OCRL: variants seen among roughly 807,000 people sequenced by gnomAD.
OCRL encodes the protein OCRL inositol polyphosphate-5-phosphatase.
OCRL carries 8 observed loss-of-function variants against 78.9 expected under a neutral mutation model. The ratio of observed to expected loss-of-function variants is 0.10; its 90% CI spans 0.06 to 0.18. The LOEUF (loss-of-function observed/expected upper bound fraction) is 0.18. OCRL is among the 10% of genes least tolerant of loss of function. OCRL has a pLI of 1.00. For missense variants in OCRL, 454 were observed against 696.7 expected (o/e 0.65, Z 3.92); for synonymous variants, 240 against 235.4 (o/e 1.02, Z -0.18).
chrX:129,547,388 G>A (rs1416696188), intron 3 of OCRL, among the ~76,000 whole-genome samples: 1 of 109,260 alleles, frequency 9.2e-6, no homozygotes, highest in East Asian at 2.9e-4. Flanking sequence ...AGCCGGGCAT[G>A]GTGGCGGGTG....
chrX:129,562,968 G>C (rs1483353614), intron 12 of OCRL, among the ~76,000 whole-genome samples, 182 bp downstream of exon 12: 1 of 111,831 alleles, frequency 8.9e-6, no homozygotes. Context: ...AATTAGACTT[G>C]ATATCAGAGG....
chrX:129,590,300 G>A lies in OCRL; in HGVS notation c.*30G>A. 8.3e-7 allele frequency: 1 copy of A among 1,207,535 alleles called. No homozygotes were observed. Among genetic ancestry groups the A allele is most frequent in the Non-Finnish European group, 1.1e-6 (1 of 892,437 alleles). ...TTTACTGTTCTCTGATATTCTAGAAGCAGACGATCTCGGGCTCCAAGTATT... is the reference window on the plus strand; with the variant it reads ...TTTACTGTTCTCTGATATTCTAGAAACAGACGATCTCGGGCTCCAAGTATT... On this transcript the variant is annotated 3_prime_UTR_variant, in exon 24 of 24. Transcript: ENST00000371113.
intron 13 of OCRL, among the ~76,000 whole-genome samples, chrX:129,566,202 G>A (rs371721142): frequency 2.4e-4 from 27 of 112,124 alleles, no homozygotes; most frequent in African/African-American, 8.1e-4. Flanking sequence ...CTTCCTGGAG[G>A]AAGTGGGCCT....
intron 2 of OCRL, among the ~76,000 whole-genome samples, chrX:129,542,194 C>T (rs2124385245): frequency 9.3e-6 from 1 of 107,826 alleles, no homozygotes; most frequent in Admixed American, 1.0e-4. Flanking sequence ...AGAATCTAGT[C>T]CCTCGGATTA....
In OCRL at chrX:129,574,166, G is replaced by A. The variant is rs941106206; in HGVS notation, c.1603-974G>A. ...ACACTCCTACCAACAGTGTAAAAGC[G>A]TTCCTACTTCTCCACAGCCTCACCA... On this transcript the variant is annotated intron_variant, in intron 15 of 23. Transcript: ENST00000371113. Among the ~76,000 whole-genome samples the A allele has an allele frequency of 5.5e-4, 62 of 112,228 alleles. 1 individual carries two copies. The highest frequency in any genetic ancestry group is 4.1e-3 in the Admixed American group (44 of 10,629).
At chrX:129,553,486 A>G (rs1341674878) in intron 4 of OCRL, among the ~76,000 whole-genome samples, 2 of 111,993 alleles carry the variant, frequency 1.8e-5, no homozygotes, top group African/African-American at 6.5e-5. Flanking sequence ...ACACGATTAT[A>G]TGCTAATGTG....
chrX:129,571,953 A>G (rs775955721), intron 15 of OCRL, among the ~76,000 whole-genome samples: 16 of 111,551 alleles, frequency 1.4e-4, no homozygotes, highest in Non-Finnish European at 2.4e-4. Flanking sequence ...GTGCTGTCCA[A>G]TAGAGCTTTC....
Position 129,590,496 on chromosome X carries a change from TG to T in OCRL, c.*227del, listed in dbSNP as rs1318225843. ...CAAAGTTACCATATTTTGGTGTTTT[TG>T]TGTTTTCTCTTTATAAGGCAAAAAG... On this transcript the variant is annotated 3_prime_UTR_variant, in exon 24 of 24. Transcript: ENST00000371113. 4.8e-6 allele frequency: 2 copies of T among 418,125 alleles called. No homozygotes were observed. The highest frequency in any genetic ancestry group is 8.2e-6 in the Non-Finnish European group (2 of 244,919). The allele number at this position is 418,125 out of a possible 1,213,427, so 34.5% of individuals were successfully genotyped here. A position where few individuals can be genotyped will look rare whatever the true frequency, so the allele number is the denominator to read the frequency against.
intron 2 of OCRL, among the ~76,000 whole-genome samples, chrX:129,543,608 A>T (rs1602765900): frequency 8.8e-6 from 1 of 113,405 alleles, no homozygotes; most frequent in East Asian, 2.8e-4. Flanking sequence ...GGCAAGAAGG[A>T]TCACAGCAGA....
In OCRL at chrX:129,584,372, T is replaced by G; in HGVS notation, c.2139+5T>G. On this transcript the variant is annotated splice_donor_5th_base_variant and intron_variant, in intron 19 of 23. Coordinates refer to ENST00000371113, the MANE Select transcript of OCRL (RefSeq NM_000276.4). ...GAAGACAGCTTCCTAGAAAAGGTAA[T>G]GCAATCCATTGGTGGTTATGAGAGT... 1 of 1,204,158 alleles carries G rather than the reference T, an allele frequency of 8.3e-7. No individual in the cohort carries two copies. Among genetic ancestry groups the G allele is most frequent in the Non-Finnish European group, 1.1e-6 (1 of 888,556 alleles).
chrX:129,541,079 C>T (rs1021260830), intron 2 of OCRL, among the ~76,000 whole-genome samples: 2 of 112,135 alleles, frequency 1.8e-5, no homozygotes, highest in African/African-American at 6.5e-5. Context: ...TTAGTTCCTG[C>T]CCCTGCAACT....
chrX:129,562,568 G>A, intron 11 of OCRL, 31 bp from the exon 12 acceptor site: 1 of 1,201,248 alleles, frequency 8.3e-7, no homozygotes, highest in Non-Finnish European at 1.1e-6. Context: ...CTTGTTCTGT[G>A]TACTAATTGA....
At chrX:129,570,878 T>C (rs766909928) in intron 15 of OCRL, among the ~76,000 whole-genome samples, 1 of 112,553 alleles carries the variant, frequency 8.9e-6, no homozygotes, top group South Asian at 3.6e-4. Flanking sequence ...AACCCACGTA[T>C]AAGGAGGGCC....
chrX:129,589,535 A>G (rs1569463846), intron 22 of OCRL: 1 of 343,080 alleles, frequency 2.9e-6, no homozygotes, highest in Non-Finnish European at 5.2e-6. Context: ...TGCCGTGGCT[A>G]CATGCCTACG....
rs16288 is a variant in OCRL, at chrX:129,583,962, A to G, written c.2116-382A>G. On this transcript the variant is annotated intron_variant, in intron 18 of 23. Coordinates refer to ENST00000371113, the MANE Select transcript of OCRL (RefSeq NM_000276.4). ...GTTTACCATCTCCTTCCAGATGGCC[A>G]CTGTTGGGCCCACAGCCATATTCTT... Among the ~76,000 whole-genome samples the G allele has an allele frequency of 7.8e-3, 856 of 109,504 alleles. 9 individuals are homozygous for G. Among genetic ancestry groups the G allele is most frequent in the East Asian group, 0.044 (149 of 3,414 alleles).
chrX:129,547,391 G>A (rs898942701), intron 3 of OCRL, among the ~76,000 whole-genome samples: 8 of 109,162 alleles, frequency 7.3e-5, no homozygotes, highest in African/African-American at 2.7e-4. Context: ...CGGGCATGGT[G>A]GCGGGTGCCT....
chrX:129,563,963 G>A (rs1158583039), intron 12 of OCRL, among the ~76,000 whole-genome samples: 2 of 107,687 alleles, frequency 1.9e-5, no homozygotes, highest in East Asian at 2.9e-4. Context: ...GAAAATTTTC[G>A]CAACCTACTC....
intron 19 of OCRL, chrX:129,586,755 A>G (rs944661499): frequency 3.3e-5 from 16 of 490,161 alleles, no homozygotes; most frequent in Non-Finnish European, 5.2e-5. Flanking sequence ...TCCACGTAAT[A>G]AACATCATAA....
intron 10 of OCRL, 48 bp from the exon 11 acceptor site, chrX:129,562,336 A>C (rs1472689068): frequency 1.0e-6 from 1 of 962,926 alleles, no homozygotes; most frequent in South Asian, 1.9e-5. Flanking sequence ...GAAATGTGGC[A>C]AAGATTGGTA....
Sources: allele counts gnomAD v4.1 joint callset (sites outside exome capture counted in the v4.1 genomes callset), GRCh38; gene constraint gnomAD v4.1.1; transcripts MANE v1.5; gene names NCBI Gene and HGNC (gene_info 2026-07-23, HGNC 2026-07-21).